Variants in PPARGC1A observed in about 807,000 individuals in gnomAD.
PPARGC1A encodes the protein peroxisome proliferator-activated receptor gamma coactivator 1-alpha.
Under a neutral mutation model 88.7 loss-of-function variants are expected in PPARGC1A, and 25 were observed. The ratio of observed to expected loss-of-function variants is 0.28; its 90% CI spans 0.21 to 0.39. The LOEUF (loss-of-function observed/expected upper bound fraction) is 0.39, where lower values mean the gene tolerates loss of function less well. Ranked by LOEUF, PPARGC1A falls within the 10% of genes least tolerant of loss-of-function variation. PPARGC1A has a pLI of 1.00. For missense variants in PPARGC1A, 880 were observed against 968.7 expected, an observed-to-expected ratio of 0.91 and a Z score of 1.22; for synonymous variants, 363 against 355.6, an observed-to-expected ratio of 1.02 and a Z score of -0.24.
At chr4:24,387,759 AG>A in the PPARGC1A span, among the ~76,000 whole-genome samples, 7 of 81,774 alleles carry the variant, frequency 8.6e-5, no homozygotes, top group East Asian at 4.0e-4. Context: ...AGAGAGAGAG[AG>A]AGAGAGAGAA....
chr4:23,846,404 A>T (rs1157127525), intron 2 of PPARGC1A, among the ~76,000 whole-genome samples: 1 of 152,226 alleles, frequency 6.6e-6, no homozygotes, highest in Admixed American at 6.5e-5. Flanking sequence ...TTTTTCTATT[A>T]TACCATGTTG....
At chr4:24,232,720 C>A in the PPARGC1A span, among the ~76,000 whole-genome samples, 1 of 152,198 alleles carries the variant, frequency 6.6e-6, no homozygotes, top group Non-Finnish European at 1.5e-5. Flanking sequence ...ACCTAGCTTT[C>A]AGCCTGGCCT....
At chr4:24,413,141 T>C in the PPARGC1A span, among the ~76,000 whole-genome samples, 1 of 152,082 alleles carries the variant, frequency 6.6e-6, no homozygotes, top group Non-Finnish European at 1.5e-5. Context: ...ACATAGGAAG[T>C]ATTGAATTTT....
intron 1 of PPARGC1A, among the ~76,000 whole-genome samples, chr4:23,889,598 C>G (rs1025578520): frequency 2.6e-5 from 4 of 152,142 alleles, no homozygotes; most frequent in African/African-American, 9.7e-5. Flanking sequence ...TGATTCATAT[C>G]AATATCTTAG....
chr4:24,096,776 G>T, the PPARGC1A span, among the ~76,000 whole-genome samples: 1 of 152,098 alleles, frequency 6.6e-6, no homozygotes, highest in Non-Finnish European at 1.5e-5. Flanking sequence ...TTTCCCTCCA[G>T]ATAAGCAGCA....
At chr4:24,421,313 CTTTT>C in the PPARGC1A span, among the ~76,000 whole-genome samples, 1 of 137,568 alleles carries the variant, frequency 7.3e-6, no homozygotes, top group Non-Finnish European at 1.5e-5. Context: ...GAACAGTTCA[CTTTT>C]TTTTTTTTTT....
the PPARGC1A span, among the ~76,000 whole-genome samples, chr4:24,082,962 T>C: frequency 2.6e-5 from 4 of 152,220 alleles, no homozygotes; most frequent in Non-Finnish European, 5.9e-5. Context: ...AAGAGGTACA[T>C]AAAATTGAGT....
chr4:23,883,807 TA>T (rs1460107465), intron 2 of PPARGC1A: 1 of 152,216 alleles, frequency 6.6e-6, no homozygotes, highest in Non-Finnish European at 1.5e-5. Context: ...GTTAATATTT[TA>T]AACTTGGCTT....
the PPARGC1A span, among the ~76,000 whole-genome samples, chr4:24,162,726 G>T: frequency 6.6e-6 from 1 of 151,714 alleles, no homozygotes; most frequent in African/African-American, 2.4e-5. Context: ...CAAGTAGCTG[G>T]TATTACAGGC....
the PPARGC1A span, among the ~76,000 whole-genome samples, chr4:24,185,956 T>C: frequency 2.6e-5 from 4 of 151,916 alleles, no homozygotes; most frequent in East Asian, 7.7e-4. Flanking sequence ...CTAGGTCAGA[T>C]TCTACTTACA....
At chr4:24,280,913 C>T in the PPARGC1A span, among the ~76,000 whole-genome samples, 1 of 152,172 alleles carries the variant, frequency 6.6e-6, no homozygotes, top group African/African-American at 2.4e-5. Context: ...TGTGGCAGTC[C>T]ATGTTCTCTT....
the PPARGC1A span, among the ~76,000 whole-genome samples, chr4:24,434,534 C>T: frequency 6.6e-6 from 1 of 152,174 alleles, no homozygotes; most frequent in Non-Finnish European, 1.5e-5. Flanking sequence ...CCACAAATGG[C>T]GCTCGCGTGA....
chr4:24,263,775 G>T, the PPARGC1A span, among the ~76,000 whole-genome samples: 4 of 151,742 alleles, frequency 2.6e-5, no homozygotes, highest in African/African-American at 9.7e-5. Context: ...TTTGAGACAG[G>T]GTCTCACTCT....
the PPARGC1A span, among the ~76,000 whole-genome samples, chr4:24,414,816 C>T: frequency 5.3e-5 from 8 of 152,270 alleles, no homozygotes; most frequent in Middle Eastern, 3.4e-3. Context: ...TGGCCTTGCA[C>T]CCTTCTTCCT....
the PPARGC1A span, among the ~76,000 whole-genome samples, chr4:24,079,133 A>G: frequency 6.6e-6 from 1 of 152,084 alleles, no homozygotes. Flanking sequence ...TGTCTCTAAT[A>G]ATTTCCTTAA....
the PPARGC1A span, among the ~76,000 whole-genome samples, chr4:24,247,853 A>G: frequency 6.6e-6 from 1 of 152,168 alleles, no homozygotes; most frequent in African/African-American, 2.4e-5. Context: ...CCCACCAACT[A>G]AAATGTAAGC....
At chr4:24,030,355 T>C in the PPARGC1A span, among the ~76,000 whole-genome samples, 2 of 152,174 alleles carry the variant, frequency 1.3e-5, no homozygotes, top group Admixed American at 6.5e-5. Context: ...ACAGTTCACA[T>C]TGGGGGCGTC....
the PPARGC1A span, among the ~76,000 whole-genome samples, chr4:23,965,181 G>A: frequency 4.6e-5 from 7 of 152,136 alleles, no homozygotes; most frequent in African/African-American, 1.7e-4. Flanking sequence ...GTATACTCCA[G>A]TTGGGATTAG....
chr4:24,008,540 T>G, the PPARGC1A span, among the ~76,000 whole-genome samples: 1 of 152,106 alleles, frequency 6.6e-6, no homozygotes, highest in Admixed American at 6.6e-5. Context: ...CAATCCATGG[T>G]TTATTAAAAT....
Sources: allele counts gnomAD v4.1 joint callset (sites outside exome capture counted in the v4.1 genomes callset), GRCh38; gene constraint gnomAD v4.1.1; transcripts MANE v1.5; gene names NCBI Gene and HGNC (gene_info 2026-07-23, HGNC 2026-07-21).